The following SPAG16 variants were observed in gnomAD, a reference collection of about 807,000 sequenced individuals.
SPAG16 encodes sperm associated antigen 16.
SPAG16 carries 86 observed loss-of-function variants against 80.4 expected under a neutral mutation model. The observed-to-expected ratio is 1.07, with a 90% confidence interval of 0.90 to 1.28. The LOEUF (loss-of-function observed/expected upper bound fraction) is 1.28, where lower values mean the gene tolerates loss of function less well. SPAG16 is among the 50% of genes most tolerant of loss of function. SPAG16 has a pLI of 0.00. For synonymous variants in SPAG16, 294 were observed against 265.9 expected (o/e 1.11, Z -1.03); for missense variants, 870 against 765.3 (o/e 1.14, Z -1.61).
rs185425769 is a variant in SPAG16, at chr2:213,313,847, T to G, written c.399-3372T>G. Reference sequence around the variant, plus strand: ...TGCTGGGGATTCTGACATCCTCGGTTTGTACAGGAATTAAAATAATTTTGT... The same window carrying G: ...TGCTGGGGATTCTGACATCCTCGGTGTGTACAGGAATTAAAATAATTTTGT... On this transcript the variant is annotated intron_variant, in intron 4 of 15. Transcript: ENST00000331683. Among the ~76,000 whole-genome samples, 12 of 151,946 alleles carry G rather than the reference T, an allele frequency of 7.9e-5. No homozygotes were observed. In the East Asian group the frequency reaches 1.9e-3, roughly 24 times the overall value.
chr2:213,562,987 C>T (rs1443821055), intron 10 of SPAG16, among the ~76,000 whole-genome samples: 1 of 152,226 alleles, frequency 6.6e-6, no homozygotes, highest in African/African-American at 2.4e-5. Flanking sequence ...CACCATCACG[C>T]TGGGCGTTAG....
intron 10 of SPAG16, among the ~76,000 whole-genome samples, chr2:213,497,060 A>T (rs1039503): frequency 1.3e-5 from 2 of 151,896 alleles, no homozygotes; most frequent in African/African-American, 4.8e-5. Flanking sequence ...AACACTTGTG[A>T]TCATTACTTA....
chr2:214,179,065 T>G (rs1197494563), intron 15 of SPAG16, among the ~76,000 whole-genome samples: 2 of 151,402 alleles, frequency 1.3e-5, no homozygotes, highest in African/African-American at 4.8e-5. Context: ...CAAACTCTAA[T>G]CACTTCTCTA....
At chr2:213,316,581 T>C (rs1356933222) in intron 4 of SPAG16, among the ~76,000 whole-genome samples, 1 of 152,044 alleles carries the variant, frequency 6.6e-6, no homozygotes, top group African/African-American at 2.4e-5. Flanking sequence ...TCTTTCACCA[T>C]TCTCTCCTTG....
At chr2:213,738,186 A>G (rs6435795) in intron 10 of SPAG16, among the ~76,000 whole-genome samples, 59,316 of 152,008 alleles carry the variant, frequency 0.39, 12,406 homozygotes, top group East Asian at 0.61. Flanking sequence ...CATTTTGTAG[A>G]GCCAGTATAG....
At chr2:213,328,685 C>T (rs1048206472) in intron 5 of SPAG16, among the ~76,000 whole-genome samples, 2 of 152,070 alleles carry the variant, frequency 1.3e-5, no homozygotes, top group African/African-American at 4.8e-5. Flanking sequence ...TGTCCATCCT[C>T]TGTGTTATGG....
chr2:213,742,122 G>A (rs1262773453), intron 10 of SPAG16, among the ~76,000 whole-genome samples: 1 of 114,592 alleles, frequency 8.7e-6, no homozygotes, highest in African/African-American at 3.4e-5. Flanking sequence ...TGTACTTGCT[G>A]TTCTGTGTTT....
chr2:214,283,209 G>A (rs971854029), intron 15 of SPAG16, among the ~76,000 whole-genome samples: 1 of 151,974 alleles, frequency 6.6e-6, no homozygotes, highest in Non-Finnish European at 1.5e-5. Flanking sequence ...TGTTTATCTT[G>A]CCTGCATCAG....
chr2:214,284,797 CTGTG>C (rs34221048), intron 15 of SPAG16, among the ~76,000 whole-genome samples: 6,530 of 149,820 alleles, frequency 0.044, 365 homozygotes, highest in African/African-American at 0.12. Context: ...ATATTTTACT[CTGTG>C]TGTGTGTGTG....
chr2:213,959,544 T>G, intron 12 of SPAG16, among the ~76,000 whole-genome samples: 1 of 152,212 alleles, frequency 6.6e-6, no homozygotes, highest in East Asian at 1.9e-4. Flanking sequence ...TAAATAAGTT[T>G]ATTCATTTAT....
chr2:214,126,615 C>G (rs2054509925), intron 14 of SPAG16, among the ~76,000 whole-genome samples: 1 of 151,726 alleles, frequency 6.6e-6, no homozygotes. Context: ...TGCAGGTTAT[C>G]CCAGCAATGT....
At chr2:213,326,195 C>A (rs4673738) in intron 5 of SPAG16, among the ~76,000 whole-genome samples, 148,330 of 152,136 alleles carry the variant, frequency 0.97, 72,419 homozygotes, top group East Asian at 1. Context: ...AAAATAATGA[C>A]ATACTTTATT....
intron 10 of SPAG16, among the ~76,000 whole-genome samples, chr2:213,772,165 GT>G (rs1161371360): frequency 6.6e-6 from 1 of 152,072 alleles, no homozygotes; most frequent in African/African-American, 2.4e-5. Context: ...CACTTTCCTT[GT>G]TATCTGTATT....
At chr2:214,270,395 A>T (rs1009796650) in intron 15 of SPAG16, among the ~76,000 whole-genome samples, 3 of 152,180 alleles carry the variant, frequency 2.0e-5, no homozygotes, top group Non-Finnish European at 2.9e-5. Flanking sequence ...GGTGTAATTT[A>T]AACCTGTTGG....
intron 15 of SPAG16, among the ~76,000 whole-genome samples, chr2:214,215,678 C>T (rs13028775): frequency 0.34 from 51,047 of 151,964 alleles, 8,746 homozygotes; most frequent in East Asian, 0.51. Context: ...AACTCTTTCC[C>T]GTACTGTTGC....
At chr2:213,730,178 T>C (rs1226049409) in intron 10 of SPAG16, among the ~76,000 whole-genome samples, 1 of 152,186 alleles carries the variant, frequency 6.6e-6, no homozygotes, top group Non-Finnish European at 1.5e-5. Context: ...AGGAATCCCA[T>C]TTCTAATATA....
intron 10 of SPAG16, among the ~76,000 whole-genome samples, chr2:213,859,365 C>G (rs1445961029): frequency 6.6e-6 from 1 of 151,924 alleles, no homozygotes; most frequent in African/African-American, 2.4e-5. Context: ...AGGCTCTCCT[C>G]CCTTGGTTTC....
At chr2:213,659,321 G>A (rs1177411773) in intron 10 of SPAG16, among the ~76,000 whole-genome samples, 2 of 149,466 alleles carry the variant, frequency 1.3e-5, no homozygotes, top group Non-Finnish European at 3.0e-5. Flanking sequence ...TAAGGTAGGG[G>A]CCAATCATCT....
chr2:214,145,034 A>G (rs1480539464), intron 14 of SPAG16, among the ~76,000 whole-genome samples: 1 of 152,150 alleles, frequency 6.6e-6, no homozygotes, highest in African/African-American at 2.4e-5. Flanking sequence ...CAAGTTTGAA[A>G]TATTTGTTTT....
Sources: gnomAD v4.1 joint callset for allele counts (sites outside exome capture counted in the v4.1 genomes callset) on GRCh38, gnomAD v4.1.1 for gene constraint, MANE v1.5 for transcripts, NCBI Gene and HGNC (gene_info 2026-07-23, HGNC 2026-07-21) for gene names.